Variants in COL18A1 observed in about 807,000 individuals in gnomAD.
COL18A1 encodes collagen type XVIII alpha 1 chain, also known as collagen alpha-1(XVIII) chain.
In COL18A1, 133 loss-of-function variants were observed where a neutral mutation model predicts 168.0. The observed-to-expected ratio is 0.79, with a 90% CI of 0.69 to 0.91. The LOEUF is 0.91. Among genes scored for constraint, COL18A1 ranks in the 40% least tolerant of loss-of-function variants. COL18A1 has a pLI of 0.00. For synonymous variants in COL18A1, 949 were observed against 809.0 expected (o/e 1.17, Z -2.94); for missense variants, 2,126 against 1,925.4 (o/e 1.10, Z -1.95).
At chr21:45,477,709 G>T in intron 7 of COL18A1, 41 bp from the exon 8 acceptor site, 1 of 1,500,008 alleles carries the variant, frequency 6.7e-7, no homozygotes, top group Non-Finnish European at 8.9e-7. Context: ...GGTGTGTGGG[G>T]CCCCACCCCA....
Position 45,477,392 on chromosome 21 carries a change from C to G in COL18A1, c.929-19C>G. The G allele has an allele frequency of 6.2e-7, 1 of 1,607,710 alleles. No individual in the cohort carries two copies. Among genetic ancestry groups the G allele is most frequent in the East Asian group, 2.2e-5 (1 of 44,514 alleles). Reference sequence around the variant, plus strand: ...CACCCGGGGGGCGTGACCGTGGCCACCTCTGCTTCTCTTCCCAGCTCAGAC... The same window carrying G: ...CACCCGGGGGGCGTGACCGTGGCCAGCTCTGCTTCTCTTCCCAGCTCAGAC... On this transcript the variant is annotated intron_variant, in intron 6 of 41. Transcript: ENST00000651438.
chr21:45,439,082 G>A (rs1216131189), intron 2 of COL18A1, among the ~76,000 whole-genome samples: 1 of 152,248 alleles, frequency 6.6e-6, no homozygotes, highest in Non-Finnish European at 1.5e-5. Context: ...GACCCCACCA[G>A]GCATCCCACA....
chr21:45,459,602 G>A (rs988095651), intron 2 of COL18A1, among the ~76,000 whole-genome samples: 43 of 152,344 alleles, frequency 2.8e-4, no homozygotes, highest in African/African-American at 9.4e-4. Context: ...CGTGGGGGGC[G>A]CTCAAAGGGA....
intron 20 of COL18A1, 59 bp from the exon 21 acceptor site, chr21:45,490,777 G>T (rs530497681): frequency 7.9e-6 from 12 of 1,519,268 alleles, no homozygotes; most frequent in Admixed American, 2.0e-5. Flanking sequence ...CATCCCTCAC[G>T]GGGGGCCAGG....
chr21:45,482,871 C>T, intron 15 of COL18A1, 50 bp downstream of exon 15: 1 of 1,613,942 alleles, frequency 6.2e-7, no homozygotes, highest in Non-Finnish European at 8.5e-7. Context: ...GGTGCCCACT[C>T]AGTGCTCGGA....
intron 32 of COL18A1, among the ~76,000 whole-genome samples, chr21:45,499,587 C>T (rs1233465901): frequency 6.6e-6 from 1 of 152,132 alleles, no homozygotes; most frequent in Non-Finnish European, 1.5e-5. Flanking sequence ...CCCCGCATGG[C>T]ATCCCAGGAA....
intron 6 of COL18A1, 74 bp from the exon 7 acceptor site, chr21:45,477,337 C>T (rs1364732463): frequency 3.4e-5 from 42 of 1,244,520 alleles, no homozygotes; most frequent in East Asian, 7.6e-5. Flanking sequence ...CTGCCGGGGC[C>T]GTCTGGGGTG....
At chr21:45,437,266 T>A (rs201020959) in intron 2 of COL18A1, among the ~76,000 whole-genome samples, 139 of 26,324 alleles carry the variant, frequency 5.3e-3, no homozygotes, top group Middle Eastern at 0.033. Flanking sequence ...ACTCACACAC[T>A]CAGACACACA....
chr21:45,510,385 T>G, intron 40 of COL18A1, 124 bp downstream of exon 40: 5 of 1,108,584 alleles, frequency 4.5e-6, no homozygotes, highest in Non-Finnish European at 6.7e-6. Flanking sequence ...CACTGGCGCC[T>G]AGGCTGGCGA....
At chr21:45,492,791 C>T (rs1032834536) in intron 24 of COL18A1, 78 bp downstream of exon 24, 24 of 1,137,312 alleles carry the variant, frequency 2.1e-5, no homozygotes, top group South Asian at 6.1e-5. Context: ...GCAGCCCGGT[C>T]GAGCTGGGGT....
At chr21:45,508,671 G>A (rs1021311663) in intron 38 of COL18A1, among the ~76,000 whole-genome samples, 1 of 152,332 alleles carries the variant, frequency 6.6e-6, no homozygotes, top group South Asian at 2.1e-4. Flanking sequence ...GCTCCACAGC[G>A]GCCTGTCTCC....
intron 2 of COL18A1, among the ~76,000 whole-genome samples, chr21:45,450,508 C>G (rs1476878493): frequency 6.6e-6 from 1 of 152,174 alleles, no homozygotes; most frequent in Non-Finnish European, 1.5e-5. Context: ...CTCTTTGCCC[C>G]CTGATGAACC....
Position 45,473,953 on chromosome 21 carries a change from TG to T in COL18A1, c.712del (p.Asp238ThrfsTer33). 1 of 1,603,690 alleles carries T rather than the reference TG, an allele frequency of 6.2e-7. No individual in the cohort carries two copies. Among genetic ancestry groups the T allele is most frequent in the Non-Finnish European group, 8.5e-7 (1 of 1,175,330 alleles). ...RDPQVSPMHCLDEEGDDSDGA... is the reference protein window; with the variant it reads ...RDPQVSPMHCXDEEGDDSDGA... ...CCCCAGGTGAGCCCCATGCACTGCC[TG>T]GACGAGGAAGGCGATGACTCAGATG... On this transcript the variant is annotated frameshift_variant, in exon 4 of 42. Transcript: ENST00000651438. LOFTEE classifies it high-confidence loss of function. The surrounding 1 kb of genome is among the most constrained non-coding windows in gnomAD (Gnocchi z 4.0).
chr21:45,495,916 C>T (rs949884733), intron 29 of COL18A1: 1 of 313,142 alleles, frequency 3.2e-6, no homozygotes. Flanking sequence ...CTGGCCCATT[C>T]CATGATGGGC....
At chr21:45,465,734 C>T (rs1266132031) in intron 2 of COL18A1, among the ~76,000 whole-genome samples, 3 of 152,166 alleles carry the variant, frequency 2.0e-5, no homozygotes, top group Non-Finnish European at 4.4e-5. Flanking sequence ...GCAGAGACTC[C>T]AGGCCCTGTG....
intron 2 of COL18A1, among the ~76,000 whole-genome samples, chr21:45,454,873 C>T (rs1419773967): frequency 6.6e-6 from 1 of 152,200 alleles, no homozygotes; most frequent in East Asian, 1.9e-4. Flanking sequence ...TCTGCTGGGT[C>T]TCCTGGGCAG....
At chr21:45,430,990 G>T (rs2033942731) in intron 2 of COL18A1, among the ~76,000 whole-genome samples, 1 of 152,230 alleles carries the variant, frequency 6.6e-6, no homozygotes, top group South Asian at 2.1e-4. Context: ...AAGTCCCGGG[G>T]TGCCCTTGCC....
At chr21:45,502,128 G>A (rs1177376549) in intron 32 of COL18A1, among the ~76,000 whole-genome samples, 2 of 150,590 alleles carry the variant, frequency 1.3e-5, no homozygotes, top group African/African-American at 4.8e-5. Context: ...CCCGGAGCAG[G>A]GCCCAGCCCG....
chr21:45,442,049 TCGCCCTCATC>T (rs768110192), intron 2 of COL18A1, among the ~76,000 whole-genome samples: 6 of 152,184 alleles, frequency 3.9e-5, no homozygotes, highest in Non-Finnish European at 7.3e-5. Flanking sequence ...GGAGGTCACC[TCGCCCTCATC>T]CACGCAGTCC....
Sources: allele counts gnomAD v4.1 joint callset (sites outside exome capture counted in the v4.1 genomes callset), GRCh38; gene constraint gnomAD v4.1.1; non-coding constraint Gnocchi (gnomAD v3.1); transcripts MANE v1.5; gene names NCBI Gene and HGNC (gene_info 2026-07-23, HGNC 2026-07-21).